The following SPIN1 variants were observed in gnomAD, a reference collection of about 807,000 sequenced individuals.
SPIN1 encodes spindlin 1.
SPIN1 carries 3 observed loss-of-function variants against 26.0 expected under a neutral mutation model. That is an observed-to-expected ratio of 0.12 (90% CI 0.05 to 0.30). SPIN1 has a LOEUF of 0.30. Among genes scored for constraint, SPIN1 ranks in the 10% least tolerant of loss-of-function variants. The probability of loss-of-function intolerance (pLI) is 1.00; values close to 1 mark genes in which losing one functional copy is unlikely to be tolerated. For missense variants in SPIN1, 126 were observed against 333.4 expected (o/e 0.38, Z 4.84); for synonymous variants, 101 against 116.5 (o/e 0.87, Z 0.86).
intron 3 of SPIN1, among the ~76,000 whole-genome samples, chr9:88,449,273 ACCTC>A (rs1472030608): frequency 6.6e-6 from 1 of 151,380 alleles, no homozygotes; most frequent in Non-Finnish European, 1.5e-5. Context: ...TGCATGGTGA[ACCTC>A]TCCCTCTTCT....
intron 1 of SPIN1, among the ~76,000 whole-genome samples, chr9:88,388,806 C>A (rs1208380268): frequency 6.6e-6 from 1 of 150,574 alleles, no homozygotes; most frequent in South Asian, 2.1e-4. Context: ...CGCCGCCCCC[C>A]GCCAACATGG....
intron 2 of SPIN1, among the ~76,000 whole-genome samples, chr9:88,448,521 G>T (rs1828296856): frequency 6.6e-6 from 1 of 151,410 alleles, no homozygotes; most frequent in African/African-American, 2.4e-5. Flanking sequence ...TTGGCTTGTT[G>T]TTTTTTTTGT....
chr9:88,393,445 GTTT>G (rs57244433), intron 1 of SPIN1, among the ~76,000 whole-genome samples: 382 of 88,336 alleles, frequency 4.3e-3, no homozygotes, highest in African/African-American at 0.02. Flanking sequence ...TTGCTTTTGG[GTTT>G]TTTTTTTTTT....
At chr9:88,441,469 A>T (rs1206800672) in intron 2 of SPIN1, among the ~76,000 whole-genome samples, 2 of 101,328 alleles carry the variant, frequency 2.0e-5, no homozygotes, top group Non-Finnish European at 3.8e-5. Flanking sequence ...TTAAGAAAAA[A>T]GGCCAGGCCA....
At chr9:88,437,655 T>C (rs1398123187) in intron 2 of SPIN1, among the ~76,000 whole-genome samples, 1 of 152,218 alleles carries the variant, frequency 6.6e-6, no homozygotes, top group Non-Finnish European at 1.5e-5. Context: ...TGCAAGAAAT[T>C]GCCAAACTGT....
chr9:88,408,628 G>A (rs1827364145), intron 1 of SPIN1, among the ~76,000 whole-genome samples: 1 of 150,406 alleles, frequency 6.6e-6, no homozygotes, highest in Admixed American at 6.6e-5. Context: ...ACCCGCTTTG[G>A]CCTCCCAAAG....
chr9:88,422,737 C>G (rs376059995), intron 1 of SPIN1, among the ~76,000 whole-genome samples: 66 of 146,054 alleles, frequency 4.5e-4, no homozygotes, highest in African/African-American at 1.5e-3. Context: ...GAAATGAAGT[C>G]TTGCTCTTGT....
At chr9:88,416,683 G>C (rs1827572074) in intron 1 of SPIN1, 2 of 152,218 alleles carry the variant, frequency 1.3e-5, no homozygotes, top group South Asian at 4.1e-4. Flanking sequence ...GAGTGTAGTA[G>C]CATGATCTCG....
chr9:88,408,743 G>A (rs184528839), intron 1 of SPIN1, among the ~76,000 whole-genome samples: 136 of 146,110 alleles, frequency 9.3e-4, no homozygotes, highest in Middle Eastern at 3.6e-3. Flanking sequence ...GCGCGATCTC[G>A]GCTCACTGCA....
rs1052533100 is a variant in SPIN1, at chr9:88,475,820, T to A, written c.*543T>A. ...ATAATTTTCTTGAGTTTAACAGGAGTGCTTTACCCAAGTCAGTCATGGATA... is the reference window on the plus strand; with the variant it reads ...ATAATTTTCTTGAGTTTAACAGGAGAGCTTTACCCAAGTCAGTCATGGATA... On this transcript the variant is annotated 3_prime_UTR_variant, in exon 6 of 6. Transcript: ENST00000375859. 1 of 151,956 alleles carries A rather than the reference T, an allele frequency of 6.6e-6. No homozygotes were observed. Among genetic ancestry groups the A allele is most frequent in the Non-Finnish European group, 1.5e-5 (1 of 68,088 alleles). 9.4% of individuals were successfully genotyped at this position (151,956 alleles called of 1,614,324 possible).
At chr9:88,427,259 A>G (rs944204640) in intron 2 of SPIN1, among the ~76,000 whole-genome samples, 1 of 152,220 alleles carries the variant, frequency 6.6e-6, no homozygotes. Context: ...GAATTATTCT[A>G]TAAAAATTAT....
At chr9:88,407,367 A>G (rs1006101237) in intron 1 of SPIN1, among the ~76,000 whole-genome samples, 2 of 151,768 alleles carry the variant, frequency 1.3e-5, no homozygotes, top group Non-Finnish European at 2.9e-5. Flanking sequence ...CTGGTCTTGA[A>G]CTGCTGATCC....
intron 2 of SPIN1, among the ~76,000 whole-genome samples, chr9:88,440,376 C>T (rs950394876): frequency 6.6e-6 from 1 of 152,126 alleles, no homozygotes; most frequent in Non-Finnish European, 1.5e-5. Flanking sequence ...AAAGGCTGGT[C>T]TCGGACTCCT....
At chr9:88,441,058 GA>G (rs1272748592) in intron 2 of SPIN1, among the ~76,000 whole-genome samples, 17 of 151,820 alleles carry the variant, frequency 1.1e-4, no homozygotes, top group Admixed American at 6.6e-4. Flanking sequence ...TACATCTGTG[GA>G]TTCATCCAAA....
intron 2 of SPIN1, among the ~76,000 whole-genome samples, chr9:88,436,788 G>A (rs1221764968): frequency 2.6e-5 from 3 of 114,066 alleles, no homozygotes; most frequent in East Asian, 5.4e-4. Context: ...TTTTTGAGAC[G>A]GAGTCTCGCT....
At chr9:88,464,839 T>G (rs1828631444) in intron 4 of SPIN1, among the ~76,000 whole-genome samples, 1 of 152,204 alleles carries the variant, frequency 6.6e-6, no homozygotes, top group Non-Finnish European at 1.5e-5. Context: ...TTCGCATTGT[T>G]GAAACAGATC....
intron 2 of SPIN1, among the ~76,000 whole-genome samples, chr9:88,430,668 T>C (rs958233037): frequency 3.3e-5 from 5 of 152,228 alleles, no homozygotes; most frequent in African/African-American, 1.2e-4. Context: ...CATTCACATA[T>C]CAGGAATTTC....
At chr9:88,417,303 T>A (rs1279702846) in intron 1 of SPIN1, among the ~76,000 whole-genome samples, 1 of 152,156 alleles carries the variant, frequency 6.6e-6, no homozygotes, top group Non-Finnish European at 1.5e-5. Context: ...TGATCAAATG[T>A]GTGTGGGTTT....
chr9:88,429,864 C>T (rs1208546864), intron 2 of SPIN1, among the ~76,000 whole-genome samples: 1 of 152,132 alleles, frequency 6.6e-6, no homozygotes, highest in Non-Finnish European at 1.5e-5. Context: ...CTGGTTATCC[C>T]ATTAGCATAC....
Sources: gnomAD v4.1 joint callset for allele counts (sites outside exome capture counted in the v4.1 genomes callset) on GRCh38, gnomAD v4.1.1 for gene constraint, MANE v1.5 for transcripts, NCBI Gene and HGNC (gene_info 2026-07-23, HGNC 2026-07-21) for gene names.